Variants in RGS7 observed in about 807,000 individuals in gnomAD.
RGS7 encodes regulator of G-protein signaling 7.
A neutral mutation model predicts 81.1 loss-of-function variants in RGS7; 27 were observed. That is an observed-to-expected ratio of 0.33 (90% CI 0.25 to 0.46). RGS7 has a LOEUF of 0.46. RGS7 is among the 20% of genes least tolerant of loss of function. The pLI is 1.00. For missense variants in RGS7, 396 were observed against 607.4 expected (o/e 0.65, Z 3.66); for synonymous variants, 208 against 207.7 (o/e 1.00, Z -0.01).
intron 2 of RGS7, among the ~76,000 whole-genome samples, chr1:241,346,115 A>G (rs2082880605): frequency 6.7e-6 from 1 of 150,342 alleles, no homozygotes; most frequent in Non-Finnish European, 1.5e-5. Context: ...CTATTACATT[A>G]TTTGCTATCA....
intron 3 of RGS7, among the ~76,000 whole-genome samples, chr1:241,061,660 G>A (rs2061744413): frequency 6.6e-6 from 1 of 152,146 alleles, no homozygotes; most frequent in African/African-American, 2.4e-5. Context: ...AACAGGCGAG[G>A]AGAAGGCAGC....
chr1:240,829,039 G>A (rs1324242073), intron 9 of RGS7, among the ~76,000 whole-genome samples: 3 of 152,132 alleles, frequency 2.0e-5, no homozygotes, highest in African/African-American at 7.2e-5. Context: ...TGTGTAATGA[G>A]GACAGAGGAC....
intron 2 of RGS7, among the ~76,000 whole-genome samples, chr1:241,341,955 A>G (rs1158966095): frequency 6.8e-6 from 1 of 146,960 alleles, no homozygotes; most frequent in African/African-American, 2.6e-5. Flanking sequence ...GCTCACTGCA[A>G]CCTCTGCCAC....
intron 2 of RGS7, among the ~76,000 whole-genome samples, chr1:241,136,550 C>A (rs1444931624): frequency 1.3e-5 from 2 of 152,130 alleles, no homozygotes; most frequent in Non-Finnish European, 2.9e-5. Context: ...CGTGGCACTG[C>A]GCACCGATCT....
At chr1:241,130,944 A>AAAAC (rs1491202997) in intron 2 of RGS7, among the ~76,000 whole-genome samples, 1 of 150,134 alleles carries the variant, frequency 6.7e-6, no homozygotes, top group African/African-American at 2.5e-5. Context: ...AAAAAAAAAA[A>AAAAC]ACCAAGAGGC....
chr1:240,788,126 A>C (rs1422731628), intron 18 of RGS7, among the ~76,000 whole-genome samples: 1 of 152,184 alleles, frequency 6.6e-6, no homozygotes, highest in Non-Finnish European at 1.5e-5. Flanking sequence ...CTCAGATTTA[A>C]TTTGCTAGCA....
At chr1:241,103,829 C>T (rs1019076224) in intron 2 of RGS7, among the ~76,000 whole-genome samples, 2 of 152,198 alleles carry the variant, frequency 1.3e-5, no homozygotes, top group Admixed American at 1.3e-4. Context: ...AGCTGTGGTC[C>T]TGCCACTGCA....
intron 2 of RGS7, among the ~76,000 whole-genome samples, chr1:241,151,648 C>T (rs547137035): frequency 4.7e-5 from 7 of 150,190 alleles, no homozygotes; most frequent in African/African-American, 1.7e-4. Flanking sequence ...TATACACATG[C>T]CATGGGTTTG....
At chr1:240,888,585 AAAGT>A (rs1667761338) in intron 6 of RGS7, among the ~76,000 whole-genome samples, 1 of 152,214 alleles carries the variant, frequency 6.6e-6, no homozygotes, top group Non-Finnish European at 1.5e-5. Flanking sequence ...TAATGTGAAT[AAAGT>A]AATAACAATG....
chr1:241,242,929 T>C (rs916736451), intron 2 of RGS7, among the ~76,000 whole-genome samples: 2 of 152,250 alleles, frequency 1.3e-5, no homozygotes, highest in African/African-American at 4.8e-5. Flanking sequence ...ACTCTGTGGG[T>C]TGTCTGTTTA....
At position 241,096,033 on chromosome 1, in the gene RGS7, G is replaced by A. The variant is rs530522063; in HGVS notation, c.175+2633C>T. 8.5e-4 allele frequency among the ~76,000 whole-genome samples: 129 copies of A among 152,314 alleles called. 3 individuals carry two copies. The highest frequency in any genetic ancestry group is 3.0e-3 in the African/African-American group (126 of 41,574). On this transcript the variant is annotated intron_variant, in intron 3 of 18. Coordinates refer to ENST00000440928, the MANE Select transcript of RGS7 (RefSeq NM_001364886.1). ...GCGATCCTTCCTTCCGTGTGGAACA[G>A]TCCATAGCAAAGATTGACTCCAGTC... is the stretch of plus-strand genomic sequence containing the variant.
intron 4 of RGS7, among the ~76,000 whole-genome samples, chr1:240,955,128 A>T (rs1680154466): frequency 6.6e-6 from 1 of 152,194 alleles, no homozygotes; most frequent in South Asian, 2.1e-4. Flanking sequence ...TGGAATGCTC[A>T]ATGTTTTAAA....
At chr1:241,054,811 T>C (rs1319525816) in intron 3 of RGS7, among the ~76,000 whole-genome samples, 1 of 152,194 alleles carries the variant, frequency 6.6e-6, no homozygotes, top group Non-Finnish European at 1.5e-5. Context: ...GTTTCCACCT[T>C]TGTATAAGCC....
chr1:240,849,804 T>G (rs989170930), intron 9 of RGS7, among the ~76,000 whole-genome samples: 1 of 152,222 alleles, frequency 6.6e-6, no homozygotes, highest in Non-Finnish European at 1.5e-5. Flanking sequence ...CCACAGCCTG[T>G]AGAACGATGA....
intron 3 of RGS7, among the ~76,000 whole-genome samples, chr1:241,096,360 A>G (rs1178415994): frequency 6.6e-6 from 1 of 152,164 alleles, no homozygotes; most frequent in African/African-American, 2.4e-5. Flanking sequence ...ATGGAGCTTG[A>G]GAACATTATA....
At chr1:241,106,752 C>CCACCACACACACACACACA (rs1553421291) in intron 2 of RGS7, among the ~76,000 whole-genome samples, 7 of 121,682 alleles carry the variant, frequency 5.8e-5, no homozygotes, top group African/African-American at 2.3e-4. Flanking sequence ...AACACCACCA[C>CCACCACACACACACACACA]CACACACACA....
intron 2 of RGS7, among the ~76,000 whole-genome samples, chr1:241,187,508 G>C (rs1182194528): frequency 2.0e-5 from 3 of 152,102 alleles, no homozygotes; most frequent in East Asian, 1.9e-4. Context: ...AGGAAAGAAG[G>C]CTCCTTAAAA....
At chr1:241,072,783 A>G (rs1256211161) in intron 3 of RGS7, among the ~76,000 whole-genome samples, 2 of 152,194 alleles carry the variant, frequency 1.3e-5, no homozygotes, top group Non-Finnish European at 2.9e-5. Context: ...CGATAGCACC[A>G]GAGGCAGGAT....
chr1:240,874,267 T>C (rs1344703952), intron 6 of RGS7, among the ~76,000 whole-genome samples: 1 of 152,190 alleles, frequency 6.6e-6, no homozygotes, highest in Non-Finnish European at 1.5e-5. Context: ...AATGAGAATG[T>C]TCATCTCAAG....
Sources: gnomAD v4.1 joint callset for allele counts (sites outside exome capture counted in the v4.1 genomes callset) on GRCh38, gnomAD v4.1.1 for gene constraint, MANE v1.5 for transcripts, NCBI Gene and HGNC (gene_info 2026-07-23, HGNC 2026-07-21) for gene names.